Variants in FAM47E observed in about 807,000 individuals in gnomAD.
FAM47E encodes the protein protein FAM47E.
FAM47E carries 32 observed loss-of-function variants against 41.6 expected under a neutral mutation model. The observed-to-expected ratio is 0.77, with a 90% confidence interval of 0.58 to 1.03. The LOEUF is 1.03. Ranked by LOEUF, FAM47E falls within the 50% of genes least tolerant of loss-of-function variation. The pLI is 0.00. For synonymous variants in FAM47E, 184 were observed against 188.7 expected (o/e 0.98, Z 0.20); for missense variants, 424 against 485.4 (o/e 0.87, Z 1.19).
At chr4:76,230,241 A>G (rs1313863834) in intron 2 of FAM47E, among the ~76,000 whole-genome samples, 2 of 152,020 alleles carry the variant, frequency 1.3e-5, no homozygotes, top group African/African-American at 4.8e-5. Context: ...TTCTTGGGCT[A>G]ATGGGGTTAT....
At chr4:76,255,593 G>A (rs1433625891) in intron 1 of FAM47E, among the ~76,000 whole-genome samples, 1 of 152,166 alleles carries the variant, frequency 6.6e-6, no homozygotes. Flanking sequence ...TGAGTTGTCA[G>A]TGGGATCCAG....
At chr4:76,244,035 T>C (rs986242566) in intron 2 of FAM47E, among the ~76,000 whole-genome samples, 4 of 152,226 alleles carry the variant, frequency 2.6e-5, no homozygotes, top group African/African-American at 9.6e-5. Context: ...GAATGATAGT[T>C]TCCAGCTTCA....
chr4:76,243,128 A>G (rs1232826828), intron 2 of FAM47E, among the ~76,000 whole-genome samples: 1 of 152,238 alleles, frequency 6.6e-6, no homozygotes. Flanking sequence ...ATCTGGGAAG[A>G]GGGTCCTCAC....
chr4:76,258,462 C>A (rs567872411), intron 2 of FAM47E, among the ~76,000 whole-genome samples: 1 of 152,040 alleles, frequency 6.6e-6, no homozygotes, highest in Non-Finnish European at 1.5e-5. Context: ...GATATTCATG[C>A]GAGGGAAAGT....
chr4:76,266,319 T>C (rs983942149), intron 3 of FAM47E, among the ~76,000 whole-genome samples: 1 of 152,248 alleles, frequency 6.6e-6, no homozygotes, highest in East Asian at 1.9e-4. Flanking sequence ...AGTTGTATAA[T>C]TGGCATCTCA....
rs1733983212 is a variant in FAM47E, at chr4:76,251,950, T to C, written c.74+130T>C. On this transcript the variant is annotated intron_variant, in intron 1 of 7. Transcript: ENST00000424749. ...TGCCTTCCCTCCTCAATGCTTCCTG[T>C]ACGTACAACATAATACGCTGAGATA... The C allele has an allele frequency of 2.5e-6, 3 of 1,200,410 alleles. No homozygotes were observed. The South Asian group carries it at 6.2e-5, about 25-fold the overall frequency. 74.4% of individuals were successfully genotyped at this position (1,200,410 alleles called of 1,614,324 possible). A position where few individuals can be genotyped will look rare whatever the true frequency, so the allele number is the denominator to read the frequency against.
At position 76,238,083 on chromosome 4, in the gene FAM47E, G is replaced by A. The variant is rs58041283; in HGVS notation, c.81+20395G>A. Among the ~76,000 whole-genome samples the A allele has an allele frequency of 4.0e-3, 609 of 152,338 alleles. 6 individuals carry two copies. Among genetic ancestry groups the A allele is most frequent in the African/African-American group, 0.014 (578 of 41,576 alleles). The stretch of plus-strand genomic sequence containing the variant: ...GAAGATAGGTGAGCAGGCCAGACCC[G>A]GGAGGCTTTGAATACCAGCTTGAAG... On this transcript the variant is annotated intron_variant, in intron 2 of 7. Coordinates refer to the FAM47E transcript ENST00000510197.
upstream of FAM47E, among the ~76,000 whole-genome samples, chr4:76,250,043 A>G (rs1733918438): frequency 6.6e-6 from 1 of 152,134 alleles, no homozygotes; most frequent in Non-Finnish European, 1.5e-5. Context: ...TCTTTTTTGT[A>G]TAATGACTTT....
upstream of FAM47E, among the ~76,000 whole-genome samples, chr4:76,251,529 G>T (rs1342025298): frequency 6.6e-6 from 1 of 152,156 alleles, no homozygotes; most frequent in African/African-American, 2.4e-5. Flanking sequence ...AGAGTAAAAC[G>T]TGATTACACC....
At chr4:76,248,775 C>CT (rs1655262454), upstream of FAM47E, among the ~76,000 whole-genome samples, 1 of 144,086 alleles carries the variant, frequency 6.9e-6, no homozygotes, top group Non-Finnish European at 1.5e-5. Context: ...TAATTGTAGT[C>CT]ATTACTTAGA....
Position 76,283,591 on chromosome 4 carries a change from C to A in FAM47E, c.*133C>A. 1 of 605,606 alleles carries A rather than the reference C, an allele frequency of 1.7e-6. No individual in the cohort carries two copies. The allele number at this position is 605,606 out of a possible 1,614,324, so 37.5% of individuals were successfully genotyped here. A position where few individuals can be genotyped will look rare whatever the true frequency, so the allele number is the denominator to read the frequency against. On this transcript the variant is annotated 3_prime_UTR_variant, in exon 8 of 8. Coordinates refer to ENST00000424749, the MANE Select transcript of FAM47E (RefSeq NM_001136570.3). ...ATGTTCAACTTTGACTTGGCAACAT[C>A]TGTAAATGTAATACCTGATGGTTAT...
At chr4:76,266,855 C>T (rs1470215319) in intron 3 of FAM47E, among the ~76,000 whole-genome samples, 2 of 152,218 alleles carry the variant, frequency 1.3e-5, no homozygotes, top group Non-Finnish European at 2.9e-5. Context: ...GCTCAGCACA[C>T]TCCCAGCTCA....
chr4:76,244,331 T>C (rs183268141), intron 2 of FAM47E, among the ~76,000 whole-genome samples: 5 of 152,254 alleles, frequency 3.3e-5, no homozygotes, highest in African/African-American at 7.2e-5. Context: ...TCTTCCACAA[T>C]GGTCGAACTA....
chr4:76,278,534 C>T (rs1394958152), intron 6 of FAM47E: 3 of 377,004 alleles, frequency 8.0e-6, no homozygotes, highest in East Asian at 3.9e-5. Flanking sequence ...TGACTTGGTA[C>T]GACCACCTCA....
upstream of FAM47E, among the ~76,000 whole-genome samples, chr4:76,251,183 C>T (rs957095074): frequency 9.2e-5 from 14 of 152,168 alleles, no homozygotes; most frequent in Middle Eastern, 3.4e-3. Flanking sequence ...AGAAGTGAGT[C>T]GAGGCAGAAG....
At position 76,223,989 on chromosome 4, in the gene FAM47E, T is replaced by C. The variant is rs540258402; in HGVS notation, c.81+6301T>C. On this transcript the variant is annotated intron_variant, in intron 2 of 7. Coordinates refer to the FAM47E transcript ENST00000510197. ...AGGTTCTGATGATGTTGGGGGAATG[T>C]AATTAAAAATAAAATCTCCTGCCAA... is the stretch of plus-strand genomic sequence containing the variant. 9.8e-5 allele frequency among the ~76,000 whole-genome samples: 15 copies of C among 152,286 alleles called. No individual in the cohort carries two copies. In the South Asian group the frequency reaches 3.1e-3, roughly 32 times the overall value.
intron 2 of FAM47E, among the ~76,000 whole-genome samples, chr4:76,260,907 T>A (rs1734383969): frequency 6.6e-6 from 1 of 151,148 alleles, no homozygotes; most frequent in African/African-American, 2.4e-5. Flanking sequence ...AGCCATGAAG[T>A]CTCCCCAGGA....
At chr4:76,222,960 C>T (rs1004850326) in intron 2 of FAM47E, among the ~76,000 whole-genome samples, 5 of 152,130 alleles carry the variant, frequency 3.3e-5, no homozygotes, top group Admixed American at 2.0e-4. Flanking sequence ...GCATGGGAAT[C>T]GACCATGTAG....
At chr4:76,217,628 C>T (rs1489127196) in exon 2 of FAM47E, 5 of 646,818 alleles carry the variant, frequency 7.7e-6, no homozygotes, top group East Asian at 2.8e-5. Flanking sequence ...CTGTGCCGTG[C>T]GTCTTGTCCA....
Sources: allele counts gnomAD v4.1 joint callset (sites outside exome capture counted in the v4.1 genomes callset), GRCh38; gene constraint gnomAD v4.1.1; transcripts MANE v1.5; gene names NCBI Gene and HGNC (gene_info 2026-07-23, HGNC 2026-07-21).